The following POLR1G variants were observed in gnomAD, a reference collection of about 807,000 sequenced individuals.
POLR1G encodes RNA polymerase I subunit G.
A neutral mutation model predicts 6.3 loss-of-function variants in POLR1G; 9 were observed. That is an observed-to-expected ratio of 1.44 (90% CI 0.87 to 2.51). The LOEUF (loss-of-function observed/expected upper bound fraction) is 2.51, where lower values mean the gene tolerates loss of function less well. Among genes scored for constraint, POLR1G ranks in the 30% most tolerant of loss-of-function variants. POLR1G has a pLI of 0.00. For synonymous variants in POLR1G, 248 were observed against 256.5 expected (o/e 0.97, Z 0.32); for missense variants, 617 against 632.5 (o/e 0.98, Z 0.26).
At chr19:45,407,414 A>G (rs1046282) in intron 2 of POLR1G, 179 bp downstream of exon 2, 156,371 of 582,008 alleles carry the variant, frequency 0.27, 22,094 homozygotes, top group African/African-American at 0.38. Flanking sequence ...AGAAACCCAC[A>G]GCCCTTTGTT....
At position 45,408,886 on chromosome 19, in the gene POLR1G, A is replaced by G. The variant is rs3212988; in HGVS notation, c.918A>G (p.Thr306=). The G allele has an allele frequency of 1.3e-5, 21 of 1,614,050 alleles. No homozygotes were observed. In the Admixed American group the frequency reaches 3.0e-4, roughly 23 times the overall value. ...GGATGGAGCCAGAGGAGGGGGTGAC[A>G]GTTGAGTCTCAGCCACAGGTGAAGG... ...TEGMEPEEGV[T]VESQPQVKVE... Residue 306 remains threonine, a synonymous_variant, in exon 3 of 3, where the codon ACA becomes ACG. Coordinates refer to ENST00000309424, the MANE Select transcript of POLR1G (RefSeq NM_012099.3).
At chr19:45,407,269 G>C (rs751152098) in intron 2 of POLR1G, 34 bp downstream of exon 2, 2 of 1,592,438 alleles carry the variant, frequency 1.3e-6, no homozygotes, top group Admixed American at 1.8e-5. Context: ...AGAGGGTCCC[G>C]GTCCAGACCC....
intron 2 of POLR1G, 35 bp from the exon 3 acceptor site, chr19:45,408,098 A>T (rs1363047294): frequency 6.4e-7 from 1 of 1,554,376 alleles, no homozygotes; most frequent in South Asian, 1.2e-5. Flanking sequence ...CTCCTGTTCC[A>T]CTTAAGCCTC....
Position 45,406,701 on chromosome 19 carries a change from A to G in POLR1G, c.5A>G (p.Glu2Gly), listed in dbSNP as rs1973374117. Residue 2 changes from glutamate (E) to glycine (G), a missense_variant, in exon 1 of 3, where the codon GAG becomes GGG. Coordinates refer to ENST00000309424, the MANE Select transcript of POLR1G (RefSeq NM_012099.3). This position sits in a 1 kb window ranked among gnomAD's most constrained non-coding sequence, Gnocchi z 4.2. ...GCCTGAGGTGTGGGTCCCAGGATGG[A>G]GGAGCCCCAGGCCGGCGGTGAGGGT... M[E>G]EPQAGDAARF... 2.6e-6 allele frequency: 4 copies of G among 1,538,562 alleles called. No individual in the cohort carries two copies. Among genetic ancestry groups the G allele is most frequent in the African/African-American group, 1.4e-5 (1 of 71,894 alleles).
Position 45,407,157 on chromosome 19 carries a change from G to C in POLR1G, c.86G>C (p.Arg29Pro). Reference sequence around the variant, plus strand: ...AAGCCCCCAGCCTCAGAGTCCCCTCGTTTCTCCTTGGAGGCGCTGACGGGT... The same window carrying C: ...AAGCCCCCAGCCTCAGAGTCCCCTCCTTTCTCCTTGGAGGCGCTGACGGGT... ...TAKPPASESP[R>P]FSLEALTGPD... is the part of the protein sequence containing the mutation. Residue 29 changes from arginine (R) to proline (P), a missense_variant, in exon 2 of 3, where the codon CGT (arginine) becomes CCT (proline). Arg to Pro is a moderately radical substitution (Grantham distance 103). Transcript: ENST00000309424. The C allele has an allele frequency of 6.2e-7, 1 of 1,612,466 alleles. No homozygotes were observed. Among genetic ancestry groups the C allele is most frequent in the Non-Finnish European group, 8.5e-7 (1 of 1,179,652 alleles).
At position 45,408,243 on chromosome 19, in the gene POLR1G, C is replaced by A. The variant is rs752189100; in HGVS notation, c.275C>A (p.Ala92Glu). 1.2e-5 allele frequency: 19 copies of A among 1,614,014 alleles called. No homozygotes were observed. Among genetic ancestry groups the A allele is most frequent in the Non-Finnish European group, 1.5e-5 (18 of 1,180,022 alleles). Residue 92 changes from alanine (A) to glutamate (E), a missense_variant, in exon 3 of 3, where the codon GCG becomes GAG. By Grantham distance (107) the Ala-to-Glu change is moderately radical. Transcript: ENST00000309424. ...AGCAGCTGTCCCCAAGCTGGAGAAG[C>A]GACCCTGCTGGCCCCCTCAACGGAG... is the stretch of plus-strand genomic sequence containing the variant. The part of the protein sequence containing the change: ...VLSSCPQAGE[A>E]TLLAPSTEAG...
In POLR1G at chr19:45,406,970, G is replaced by A. The variant is rs1322319470; in HGVS notation, c.23-124G>A. 4.5e-6 allele frequency: 6 copies of A among 1,337,042 alleles called. No homozygotes were observed. In the African/African-American group the frequency reaches 8.9e-5, roughly 20 times the overall value. The allele number at this position is 1,337,042 out of a possible 1,614,324, so 82.8% of individuals were successfully genotyped here. A position where few individuals can be genotyped will look rare whatever the true frequency, so the allele number is the denominator to read the frequency against. ...CCCCTGGGGAACAGGTGGGCAGAAA[G>A]GAGAAACCAGGTTGAGGGGACTGGA... On this transcript the variant is annotated intron_variant, in intron 1 of 2. Coordinates refer to ENST00000309424, the MANE Select transcript of POLR1G (RefSeq NM_012099.3). The surrounding 1 kb of genome is among the most constrained non-coding windows in gnomAD (Gnocchi z 4.2).
chr19:45,408,828 C>T lies in POLR1G; in HGVS notation c.860C>T (p.Thr287Ile). Residue 287 changes from threonine to isoleucine, a missense_variant, in exon 3 of 3, where the codon ACC (threonine) becomes ATC (isoleucine). Thr to Ile is a moderately conservative substitution (Grantham distance 89, BLOSUM62 -1). Coordinates refer to ENST00000309424, the MANE Select transcript of POLR1G (RefSeq NM_012099.3). ...CTAGAAGACACAGTCCTGTCCCCGA[C>T]CAAAAAGAGAAAGAGGCAAAAGGGG... is the stretch of plus-strand genomic sequence containing the variant. ...EPLEDTVLSP[T>I]KKRKRQKGTE... 1 of 1,613,942 alleles carries T rather than the reference C, an allele frequency of 6.2e-7. No individual in the cohort carries two copies. Among genetic ancestry groups the T allele is most frequent in the Non-Finnish European group, 8.5e-7 (1 of 1,179,996 alleles).
Position 45,408,606 on chromosome 19 carries a change from A to G in POLR1G, c.638A>G (p.Lys213Arg). The G allele has an allele frequency of 1.2e-6, 2 of 1,613,770 alleles. No individual in the cohort carries two copies. The highest frequency in any genetic ancestry group is 2.2e-5 in the South Asian group (2 of 91,072). Reference protein sequence around the residue: ...LGSPEMDVRKKKKKKNQQLKE... With the variant: ...LGSPEMDVRKRKKKKNQQLKE... ...TCGCCAGAAATGGATGTGCGGAAGA[A>G]GAAGAAGAAAAAAAATCAGCAGCTG... The change falls in exon 3 of 3, where the codon AAG (lysine) becomes AGG (arginine). Residue 213 changes from lysine (K) to arginine (R), a missense_variant. Physicochemically the swap from Lys to Arg is conservative, Grantham distance 26. Coordinates refer to ENST00000309424, the MANE Select transcript of POLR1G (RefSeq NM_012099.3).
At position 45,406,715 on chromosome 19, in the gene POLR1G, G is replaced by C; in HGVS notation, c.19G>C (p.Gly7Arg). The C allele has an allele frequency of 6.5e-7, 1 of 1,531,626 alleles. No individual in the cohort carries two copies. The highest frequency in any genetic ancestry group is 2.6e-5 in the East Asian group (1 of 38,990). 94.9% of individuals were successfully genotyped at this position (1,531,626 alleles called of 1,614,324 possible). A position where few individuals can be genotyped will look rare whatever the true frequency, so the allele number is the denominator to read the frequency against. Residue 7 changes from glycine to arginine, a missense_variant, in exon 1 of 3, where the codon GGC becomes CGC. Physicochemically the swap from Gly to Arg is moderately radical, Grantham distance 125. Transcript: ENST00000309424. The surrounding 1 kb of genome is among the most constrained non-coding windows in gnomAD (Gnocchi z 4.2). MEEPQA[G>R]DAARFSCPPN... ...TCCCAGGATGGAGGAGCCCCAGGCCGGCGGTGAGGGTGCGGGTTGACGGGG... is the reference window on the plus strand; with the variant it reads ...TCCCAGGATGGAGGAGCCCCAGGCCCGCGGTGAGGGTGCGGGTTGACGGGG...
rs1255993618 is a variant in POLR1G at position 45,410,567 on chromosome 19, G to GTGTGTGTA, written c.*1073_*1074insATGTGTGT. ...AGTATGTCTTATTCATTCTTTCTTT[G>GTGTGTGTA]TGTGTGTGTGTGTGTGTGTGTGTGT... On this transcript the variant is annotated 3_prime_UTR_variant, in exon 3 of 3. Coordinates refer to ENST00000309424, the MANE Select transcript of POLR1G (RefSeq NM_012099.3). The GTGTGTGTA allele has an allele frequency of 7.0e-6, 1 of 141,900 alleles. No individual in the cohort carries two copies. The highest frequency in any genetic ancestry group is 1.5e-5 in the Non-Finnish European group (1 of 65,170). 8.8% of individuals were successfully genotyped at this position (141,900 alleles called of 1,614,324 possible).
In POLR1G at chr19:45,408,865, G is replaced by A; in HGVS notation, c.897G>A (p.Met299Ile). The change falls in exon 3 of 3, where the codon ATG becomes ATA. Residue 299 changes from methionine (M) to isoleucine (I), a missense_variant. Physicochemically the swap from Met to Ile is conservative, Grantham distance 10 (BLOSUM62 1). Coordinates refer to ENST00000309424, the MANE Select transcript of POLR1G (RefSeq NM_012099.3). Reference sequence around the variant, plus strand: ...AGAGGCAAAAGGGGACGGAAGGGATGGAGCCAGAGGAGGGGGTGACAGTTG... The same window carrying A: ...AGAGGCAAAAGGGGACGGAAGGGATAGAGCCAGAGGAGGGGGTGACAGTTG... ...KRKRQKGTEG[M>I]EPEEGVTVES... The A allele has an allele frequency of 6.2e-7, 1 of 1,614,210 alleles. No homozygotes were observed. Among genetic ancestry groups the A allele is most frequent in the Non-Finnish European group, 8.5e-7 (1 of 1,180,036 alleles).
intron 2 of POLR1G, 83 bp downstream of exon 2, chr19:45,407,318 G>A (rs1475445563): frequency 3.0e-6 from 4 of 1,341,886 alleles, no homozygotes; most frequent in East Asian, 4.7e-5. Context: ...GAAAGAATTA[G>A]AGGTGAGTCA....
At position 45,408,091 on chromosome 19, in the gene POLR1G, C is replaced by T. The variant is rs567181439; in HGVS notation, c.165-42C>T. 4.0e-6 allele frequency: 6 copies of T among 1,511,994 alleles called. No homozygotes were observed. In the African/African-American group the frequency reaches 4.2e-5, roughly 11 times the overall value. The allele number at this position is 1,511,994 out of a possible 1,614,324, so 93.7% of individuals were successfully genotyped here. On this transcript the variant is annotated intron_variant, in intron 2 of 2. Transcript: ENST00000309424. ...AAAAAATCAAAAAACCTTCCCTCTCCTGTTCCACTTAAGCCTCTGCCCTCC... is the reference window on the plus strand; with the variant it reads ...AAAAAATCAAAAAACCTTCCCTCTCTTGTTCCACTTAAGCCTCTGCCCTCC...
In POLR1G at chr19:45,410,565, T is replaced by TGTGTGTGTGTGTGTGTGTGTGTGTG. The variant is rs1973661594; in HGVS notation, c.*1064_*1065insGTGTGTGTGTGTGTGTGTGTGTGTG. 2 of 140,614 alleles carry TGTGTGTGTGTGTGTGTGTGTGTGTG rather than the reference T, an allele frequency of 1.4e-5. No individual in the cohort carries two copies. Among genetic ancestry groups the TGTGTGTGTGTGTGTGTGTGTGTGTG allele is most frequent in the African/African-American group, 5.5e-5 (2 of 36,458 alleles). The allele number at this position is 140,614 out of a possible 1,614,324, so 8.7% of individuals were successfully genotyped here. ...ATAGTATGTCTTATTCATTCTTTCTTTGTGTGTGTGTGTGTGTGTGTGTGT... is the reference window on the plus strand; with the variant it reads ...ATAGTATGTCTTATTCATTCTTTCTTGTGTGTGTGTGTGTGTGTGTGTGTGTGTGTGTGTGTGTGTGTGTGTGTGT... On this transcript the variant is annotated 3_prime_UTR_variant, in exon 3 of 3. Transcript: ENST00000309424.
Position 45,408,668 on chromosome 19 carries a change from C to G in POLR1G, c.700C>G (p.Pro234Ala), listed in dbSNP as rs1973496666. 6.2e-7 allele frequency: 1 copy of G among 1,613,848 alleles called. No individual in the cohort carries two copies. Among genetic ancestry groups the G allele is most frequent in the Non-Finnish European group, 8.5e-7 (1 of 1,179,986 alleles). ...GGCAGCAGGGCCTGTGGGGACAGAG[C>G]CCACAGTGGAGACACTGGAGCCTCT... Reference protein sequence around the residue: ...PEAAGPVGTEPTVETLEPLGV... With the variant: ...PEAAGPVGTEATVETLEPLGV... Residue 234 changes from proline (P) to alanine (A), a missense_variant, in exon 3 of 3, where the codon CCC becomes GCC. Pro to Ala is a conservative substitution (Grantham distance 27). Coordinates refer to ENST00000309424, the MANE Select transcript of POLR1G (RefSeq NM_012099.3).
At chr19:45,407,476 T>C in intron 2 of POLR1G, 1 of 486,584 alleles carries the variant, frequency 2.1e-6, no homozygotes. Context: ...ACTTGGAGTG[T>C]GCAGATAAGC....
In POLR1G at chr19:45,406,717, C is replaced by T. The variant is rs1599786791; in HGVS notation, c.21C>T (p.Gly7=). Residue 7 remains glycine, a splice_region_variant and synonymous_variant, in exon 1 of 3, where the codon GGC becomes GGT. Coordinates refer to ENST00000309424, the MANE Select transcript of POLR1G (RefSeq NM_012099.3). This position sits in a 1 kb window ranked among gnomAD's most constrained non-coding sequence, Gnocchi z 4.2. ...CCAGGATGGAGGAGCCCCAGGCCGG[C>T]GGTGAGGGTGCGGGTTGACGGGGTG... MEEPQA[G]DAARFSCPPN... is the part of the protein sequence containing the mutation. The T allele has an allele frequency of 6.5e-7, 1 of 1,530,928 alleles. No individual in the cohort carries two copies. Among genetic ancestry groups the T allele is most frequent in the Non-Finnish European group, 8.8e-7 (1 of 1,140,904 alleles). 94.8% of individuals were successfully genotyped at this position (1,530,928 alleles called of 1,614,324 possible). A position where few individuals can be genotyped will look rare whatever the true frequency, so the allele number is the denominator to read the frequency against.
At position 45,409,622 on chromosome 19, in the gene POLR1G, C is replaced by A; in HGVS notation, c.*121C>A. On this transcript the variant is annotated 3_prime_UTR_variant, in exon 3 of 3. Coordinates refer to ENST00000309424, the MANE Select transcript of POLR1G (RefSeq NM_012099.3). The stretch of plus-strand genomic sequence containing the variant: ...ACCAGCGCAGCCAGCAGGAGCCTGG[C>A]CTGGGAGGACGATTTATTATTACAC... The A allele has an allele frequency of 1.3e-6, 2 of 1,548,074 alleles. No individual in the cohort carries two copies. The highest frequency in any genetic ancestry group is 1.8e-5 in the Admixed American group (1 of 56,970).
Sources: allele counts gnomAD v4.1 joint callset, GRCh38; gene constraint gnomAD v4.1.1; non-coding constraint Gnocchi (gnomAD v3.1); transcripts MANE v1.5; gene names NCBI Gene and HGNC (gene_info 2026-07-23, HGNC 2026-07-21).